The following HSPA4 variants were observed in gnomAD, a reference collection of about 807,000 sequenced individuals.
HSPA4 encodes heat shock protein family A (Hsp70) member 4.
A neutral mutation model predicts 106.2 loss-of-function variants in HSPA4; 25 were observed. The ratio of observed to expected loss-of-function variants is 0.24; its 90% CI spans 0.17 to 0.33. The LOEUF (loss-of-function observed/expected upper bound fraction) is 0.33, where lower values mean the gene tolerates loss of function less well. Among genes scored for constraint, HSPA4 ranks in the 10% least tolerant of loss-of-function variants. The pLI is 1.00. For synonymous variants in HSPA4, 332 were observed against 333.6 expected, an observed-to-expected ratio of 1.00 and a Z score of 0.05; for missense variants, 841 against 996.0, an observed-to-expected ratio of 0.84 and a Z score of 2.10.
intron 3 of HSPA4, among the ~76,000 whole-genome samples, chr5:133,070,019 T>C (rs967622219): frequency 6.6e-6 from 1 of 151,700 alleles, no homozygotes; most frequent in Non-Finnish European, 1.5e-5. Context: ...AAAAATAAAT[T>C]AGCTAGGTAT....
At chr5:133,083,340 T>G (rs908509428) in intron 7 of HSPA4, among the ~76,000 whole-genome samples, 39 of 152,106 alleles carry the variant, frequency 2.6e-4, no homozygotes, top group African/African-American at 8.9e-4. Flanking sequence ...CTACCGCTGT[T>G]GCCATCTTCT....
intron 13 of HSPA4, among the ~76,000 whole-genome samples, chr5:133,093,642 C>G (rs572119875): frequency 6.6e-6 from 1 of 152,216 alleles, no homozygotes; most frequent in African/African-American, 2.4e-5. Flanking sequence ...AGGCGTGCAC[C>G]ATCACGCCCG....
chr5:133,094,258 T>C (rs1197797356), intron 13 of HSPA4, among the ~76,000 whole-genome samples: 1 of 152,238 alleles, frequency 6.6e-6, no homozygotes, highest in Non-Finnish European at 1.5e-5. Flanking sequence ...AAATATCTTT[T>C]ATTTATAAAA....
At position 133,099,024 on chromosome 5, in the gene HSPA4, C is replaced by T. The variant is rs527815238; in HGVS notation, c.1930-521C>T. On this transcript the variant is annotated intron_variant, in intron 15 of 18. Coordinates refer to ENST00000304858, the MANE Select transcript of HSPA4 (RefSeq NM_002154.4). ...GAAATTTTTTAACTTACCGAAAGCCCTCCACGGCAGGGAGAATAATATAAT... is the reference window on the plus strand; with the variant it reads ...GAAATTTTTTAACTTACCGAAAGCCTTCCACGGCAGGGAGAATAATATAAT... Among the ~76,000 whole-genome samples, 11 of 152,286 alleles carry T rather than the reference C, an allele frequency of 7.2e-5. No individual in the cohort carries two copies. The South Asian group carries it at 2.3e-3, about 32-fold the overall frequency.
Position 133,091,460 on chromosome 5 carries a change from G to A in HSPA4, c.1560+86G>A, listed in dbSNP as rs1581478464. On this transcript the variant is annotated intron_variant, in intron 12 of 18. Coordinates refer to ENST00000304858, the MANE Select transcript of HSPA4 (RefSeq NM_002154.4). ...GCAAGCAGACTTGGTGGCAAGGCCG[G>A]AGCATTGTGACAGAGCTGCTGAGTG... is the stretch of plus-strand genomic sequence containing the variant. The A allele has an allele frequency of 6.0e-6, 6 of 1,004,178 alleles. No homozygotes were observed. The East Asian group carries it at 1.6e-4, about 26-fold the overall frequency. 62.2% of individuals were successfully genotyped at this position (1,004,178 alleles called of 1,614,324 possible).
intron 13 of HSPA4, among the ~76,000 whole-genome samples, chr5:133,094,511 C>G (rs1765686995): frequency 6.6e-6 from 1 of 152,020 alleles, no homozygotes; most frequent in Non-Finnish European, 1.5e-5. Flanking sequence ...TGGGTCAGGC[C>G]TTTTTCAAGA....
At chr5:133,054,819 C>G (rs1048314399) in intron 1 of HSPA4, among the ~76,000 whole-genome samples, 3 of 152,078 alleles carry the variant, frequency 2.0e-5, no homozygotes, top group African/African-American at 7.2e-5. Context: ...TAAAATGTCT[C>G]CCCTAAGGAA....
intron 15 of HSPA4, 46 bp from the exon 16 acceptor site, chr5:133,099,499 A>G (rs781110487): frequency 2.1e-6 from 2 of 954,734 alleles, no homozygotes; most frequent in Admixed American, 3.5e-5. Flanking sequence ...TGTATTGGGG[A>G]TGTAATTTTT....
chr5:133,062,401 AG>A (rs1391045993), intron 1 of HSPA4, among the ~76,000 whole-genome samples: 1 of 152,196 alleles, frequency 6.6e-6, no homozygotes, highest in Admixed American at 6.5e-5. Context: ...GATATACCTT[AG>A]AAATTTAGAT....
In HSPA4 at chr5:133,088,597, T is replaced by C. The variant is rs1026568840; in HGVS notation, c.1137+42T>C. On this transcript the variant is annotated intron_variant, in intron 9 of 18. Transcript: ENST00000304858. ...TTATAGGTAACCATTTATAAATCAT[T>C]GTAACAAGATGGCAGTGGTTTATGT... 3.9e-6 allele frequency: 6 copies of C among 1,535,690 alleles called. No homozygotes were observed. In the African/African-American group the frequency reaches 8.2e-5, roughly 21 times the overall value.
At chr5:133,100,194 G>A (rs1209903006) in intron 16 of HSPA4, among the ~76,000 whole-genome samples, 1 of 151,268 alleles carries the variant, frequency 6.6e-6, no homozygotes, top group Non-Finnish European at 1.5e-5. Context: ...CTCCAGAGTA[G>A]CTGGGATTAC....
At chr5:133,072,687 G>C (rs1036070721) in intron 4 of HSPA4, among the ~76,000 whole-genome samples, 1 of 151,688 alleles carries the variant, frequency 6.6e-6, no homozygotes, top group Non-Finnish European at 1.5e-5. Context: ...GATTACAGGC[G>C]TGAGCCACCA....
intron 3 of HSPA4, 121 bp from the exon 4 acceptor site, chr5:133,070,252 TC>T (rs1446991015): frequency 3.2e-6 from 3 of 944,336 alleles, no homozygotes; most frequent in South Asian, 1.5e-5. Flanking sequence ...TTTTTTTTTT[TC>T]AATCCCCTCT....
chr5:133,063,511 A>G (rs1004293792), intron 1 of HSPA4, among the ~76,000 whole-genome samples: 1 of 148,966 alleles, frequency 6.7e-6, no homozygotes, highest in Non-Finnish European at 1.5e-5. Context: ...GCTCACTGCA[A>G]CCTCCGTCTC....
At chr5:133,060,926 AATTTT>A (rs1157398738) in intron 1 of HSPA4, among the ~76,000 whole-genome samples, 1 of 149,564 alleles carries the variant, frequency 6.7e-6, no homozygotes, top group African/African-American at 2.5e-5. Flanking sequence ...CTGAGTTTTA[AATTTT>A]ATTTAATTTT....
intron 3 of HSPA4, 21 bp downstream of exon 3, chr5:133,067,578 C>T (rs1459919243): frequency 6.3e-7 from 1 of 1,575,172 alleles, no homozygotes; most frequent in South Asian, 1.1e-5. Flanking sequence ...CAGGTTAATG[C>T]CTTTTAATTA....
Position 133,074,509 on chromosome 5 carries a change from C to G in HSPA4, c.663+383C>G, listed in dbSNP as rs1011055486. On this transcript the variant is annotated intron_variant, in intron 6 of 18. Coordinates refer to ENST00000304858, the MANE Select transcript of HSPA4 (RefSeq NM_002154.4). ...GTCAGGCTGGTCTCGAACTCCCGACCTGAGGTGATCCACCTGCCTCGGCCT... is the reference window on the plus strand; with the variant it reads ...GTCAGGCTGGTCTCGAACTCCCGACGTGAGGTGATCCACCTGCCTCGGCCT... Among the ~76,000 whole-genome samples the G allele has an allele frequency of 9.2e-5, 14 of 152,160 alleles. No individual in the cohort carries two copies. In the East Asian group the frequency reaches 2.3e-3, roughly 25 times the overall value.
chr5:133,074,578 G>A (rs751350141), intron 6 of HSPA4, among the ~76,000 whole-genome samples: 40 of 152,094 alleles, frequency 2.6e-4, no homozygotes, highest in Admixed American at 3.9e-4. Flanking sequence ...GCGCCCAGCA[G>A]GAGGATTTTT....
chr5:133,070,300 C>T (rs1765365010), intron 3 of HSPA4, 74 bp from the exon 4 acceptor site: 2 of 1,386,612 alleles, frequency 1.4e-6, no homozygotes, highest in Non-Finnish European at 2.0e-6. Context: ...AAGCATTGTT[C>T]ATTTTAGCTT....
Sources: allele counts gnomAD v4.1 joint callset (sites outside exome capture counted in the v4.1 genomes callset), GRCh38; gene constraint gnomAD v4.1.1; transcripts MANE v1.5; gene names NCBI Gene and HGNC (gene_info 2026-07-23, HGNC 2026-07-21).